Variants in TULP4 observed in about 807,000 individuals in gnomAD.
TULP4 encodes the protein TUB like protein 4.
A neutral mutation model predicts 129.0 loss-of-function variants in TULP4; 16 were observed. The ratio of observed to expected loss-of-function variants is 0.12; its 90% confidence interval spans 0.08 to 0.19. The LOEUF is 0.19. TULP4 is among the 10% of genes least tolerant of loss of function. The probability of loss-of-function intolerance (pLI) is 1.00; values close to 1 mark genes in which losing one functional copy is unlikely to be tolerated. For missense variants in TULP4, 1,842 were observed against 2,059.1 expected, an observed-to-expected ratio of 0.89 and a Z score of 2.04; for synonymous variants, 998 against 854.0, an observed-to-expected ratio of 1.17 and a Z score of -2.94.
At chr6:158,485,804 G>C (rs1205196679) in intron 8 of TULP4, among the ~76,000 whole-genome samples, 1 of 152,204 alleles carries the variant, frequency 6.6e-6, no homozygotes, top group Non-Finnish European at 1.5e-5. Context: ...TTTGGGATTT[G>C]CTTGGAACCT....
In TULP4 at chr6:158,380,108, A is replaced by G. The variant is rs189410948; in HGVS notation, c.253-32957A>G. On this transcript the variant is annotated intron_variant, in intron 1 of 13. Coordinates refer to ENST00000367097, the MANE Select transcript of TULP4 (RefSeq NM_020245.5). ...GAACTAAAGATGCTGCCTAGGTCCG[A>G]CAAAGAGTTTGAAAATAAAAGTGGA... Among the ~76,000 whole-genome samples, 266 of 152,322 alleles carry G rather than the reference A, an allele frequency of 1.7e-3. 2 individuals carry two copies. The highest frequency in any genetic ancestry group is 6.0e-3 in the African/African-American group (248 of 41,566).
chr6:158,240,596 C>T (rs1286856006), intron 1 of TULP4, among the ~76,000 whole-genome samples: 1 of 97,692 alleles, frequency 1.0e-5, no homozygotes, highest in African/African-American at 3.2e-5. Flanking sequence ...GTAGGGGCGG[C>T]CGGGCAGAGG....
intron 1 of TULP4, among the ~76,000 whole-genome samples, chr6:158,305,009 G>A (rs1375429990): frequency 6.6e-6 from 1 of 152,052 alleles, no homozygotes; most frequent in Non-Finnish European, 1.5e-5. Context: ...TGATATTAAA[G>A]TACATTCACA....
chr6:158,385,840 A>ATATTTTTTTTTTTTTTTTTTTT (rs1397821107), intron 1 of TULP4, among the ~76,000 whole-genome samples: 1 of 34,034 alleles, frequency 2.9e-5, no homozygotes, highest in Non-Finnish European at 6.7e-5. Flanking sequence ...AATGTGGAAT[A>ATATTTTTTTTTTTTTTTTTTTT]TCTTTTTTTT....
upstream of TULP4, among the ~76,000 whole-genome samples, chr6:158,307,823 C>T (rs1482809627): frequency 6.6e-6 from 1 of 151,686 alleles, no homozygotes; most frequent in African/African-American, 2.4e-5. Context: ...ATTGGTTTAC[C>T]AAGTATGTGA....
At chr6:158,386,539 ATATC>A (rs975748701) in intron 1 of TULP4, among the ~76,000 whole-genome samples, 56 of 152,296 alleles carry the variant, frequency 3.7e-4, no homozygotes, top group Admixed American at 3.1e-3. Flanking sequence ...TCCTTACTAT[ATATC>A]TATTTTTTTT....
intron 2 of TULP4, among the ~76,000 whole-genome samples, chr6:158,414,096 T>C (rs1359340058): frequency 6.6e-6 from 1 of 152,232 alleles, no homozygotes; most frequent in East Asian, 1.9e-4. Context: ...ATGAAGACAT[T>C]ATTGTCAGCG....
At chr6:158,378,845 A>G (rs1260066606) in intron 1 of TULP4, among the ~76,000 whole-genome samples, 1 of 152,204 alleles carries the variant, frequency 6.6e-6, no homozygotes, top group African/African-American at 2.4e-5. Context: ...TTGAGGCGAC[A>G]GTAGGTTATC....
At chr6:158,285,626 G>A (rs190723925) in intron 1 of TULP4, among the ~76,000 whole-genome samples, 12 of 152,328 alleles carry the variant, frequency 7.9e-5, no homozygotes, top group Admixed American at 2.6e-4. Context: ...ATAGCTCACA[G>A]CCGCTTCCAT....
intron 8 of TULP4, among the ~76,000 whole-genome samples, chr6:158,482,703 G>A (rs554508114): frequency 6.6e-6 from 1 of 152,274 alleles, no homozygotes; most frequent in Admixed American, 6.5e-5. Flanking sequence ...TGTTCTCACT[G>A]ATGTCAGTAC....
chr6:158,395,388 C>T (rs1373577278), intron 1 of TULP4, among the ~76,000 whole-genome samples: 1 of 151,636 alleles, frequency 6.6e-6, no homozygotes, highest in East Asian at 1.9e-4. Flanking sequence ...TGAGACCAGC[C>T]TGACCAGCAT....
intron 1 of TULP4, among the ~76,000 whole-genome samples, chr6:158,410,541 A>C (rs532696873): frequency 1.3e-5 from 2 of 152,252 alleles, no homozygotes; most frequent in African/African-American, 4.8e-5. Context: ...GTCATGTTCT[A>C]TTCCACAGTG....
intron 1 of TULP4, among the ~76,000 whole-genome samples, chr6:158,324,126 G>A (rs771640153): frequency 1.3e-5 from 2 of 152,168 alleles, no homozygotes; most frequent in Non-Finnish European, 2.9e-5. Flanking sequence ...AGAATTTGAT[G>A]GATGTTCCGC....
intron 1 of TULP4, among the ~76,000 whole-genome samples, chr6:158,399,284 T>A (rs532995335): frequency 1.3e-5 from 2 of 152,348 alleles, no homozygotes; most frequent in South Asian, 4.1e-4. Flanking sequence ...GCTAATCCAG[T>A]GACCTGAGGA....
At chr6:158,249,792 C>G (rs1320846728) in intron 1 of TULP4, among the ~76,000 whole-genome samples, 1 of 152,150 alleles carries the variant, frequency 6.6e-6, no homozygotes, top group African/African-American at 2.4e-5. Context: ...ACAAGCTGCT[C>G]AATTACATTG....
intron 1 of TULP4, among the ~76,000 whole-genome samples, chr6:158,331,757 G>GTATATATATATATA (rs1171180222): frequency 1.3e-3 from 21 of 16,370 alleles, no homozygotes; most frequent in Non-Finnish European, 2.7e-3. Flanking sequence ...GTATATACAC[G>GTATATATATATATA]TGTATATATA....
intron 1 of TULP4, among the ~76,000 whole-genome samples, chr6:158,317,747 T>C (rs1170215328): frequency 6.6e-5 from 10 of 152,228 alleles, no homozygotes; most frequent in Non-Finnish European, 1.3e-4. Flanking sequence ...TCTTCCACAA[T>C]GGTTGAACTA....
At chr6:158,420,515 C>T (rs980813357) in intron 2 of TULP4, among the ~76,000 whole-genome samples, 1 of 152,086 alleles carries the variant, frequency 6.6e-6, no homozygotes, top group African/African-American at 2.4e-5. Flanking sequence ...GAGTTTCATT[C>T]TTGTTGCCTA....
intron 1 of TULP4, among the ~76,000 whole-genome samples, chr6:158,235,803 C>T (rs779071743): frequency 2.6e-4 from 40 of 152,148 alleles, no homozygotes; most frequent in Non-Finnish European, 2.4e-4. Flanking sequence ...GAAAAGACCA[C>T]GAGGCAATGA....
Sources: gnomAD v4.1 joint callset for allele counts (sites outside exome capture counted in the v4.1 genomes callset) on GRCh38, gnomAD v4.1.1 for gene constraint, MANE v1.5 for transcripts, NCBI Gene and HGNC (gene_info 2026-07-23, HGNC 2026-07-21) for gene names.